The following OTUD7B variants were observed in gnomAD, a reference collection of about 807,000 sequenced individuals.
OTUD7B encodes the protein OTU deubiquitinase 7B, also known as OTU domain-containing protein 7B.
Under a neutral mutation model 82.2 loss-of-function variants are expected in OTUD7B, and 34 were observed. That is an observed-to-expected ratio of 0.41 (90% CI 0.31 to 0.55). The LOEUF is 0.55. OTUD7B is among the 20% of genes least tolerant of loss of function. The pLI, the probability that OTUD7B is intolerant of heterozygous loss-of-function variation, is 0.20. For synonymous variants in OTUD7B, 398 were observed against 402.7 expected (o/e 0.99, Z 0.14); for missense variants, 944 against 1,062.1 (o/e 0.89, Z 1.55).
At chr1:149,969,250 G>A (rs1649739665) in intron 3 of OTUD7B, among the ~76,000 whole-genome samples, 1 of 152,156 alleles carries the variant, frequency 6.6e-6, no homozygotes, top group Admixed American at 6.5e-5. Context: ...TTGAGCCTAG[G>A]AGGTTTAGGC....
chr1:149,963,289 A>C (rs1553775898), intron 6 of OTUD7B: 1 of 152,204 alleles, frequency 6.6e-6, no homozygotes, highest in African/African-American at 2.4e-5. Context: ...AGATATACAT[A>C]AAGAGCAGGA....
chr1:150,059,071 T>G, the OTUD7B span, among the ~76,000 whole-genome samples: 1 of 146,566 alleles, frequency 6.8e-6, no homozygotes, highest in Admixed American at 6.7e-5. Context: ...TTTTTTTTTT[T>G]GTGACGGAGT....
At chr1:150,052,738 C>T in the OTUD7B span, among the ~76,000 whole-genome samples, 1 of 151,572 alleles carries the variant, frequency 6.6e-6, no homozygotes, top group Non-Finnish European at 1.5e-5. Flanking sequence ...GGAGGCATCA[C>T]ATTACCTGAC....
At chr1:150,059,800 A>G in the OTUD7B span, among the ~76,000 whole-genome samples, 2 of 152,242 alleles carry the variant, frequency 1.3e-5, no homozygotes, top group Non-Finnish European at 2.9e-5. Flanking sequence ...AGGGAAAAAA[A>G]GAAAGAAAAA....
intron 7 of OTUD7B, among the ~76,000 whole-genome samples, chr1:149,958,322 C>CTTT (rs34299927): frequency 0.76 from 65,349 of 86,300 alleles, 27,412 homozygotes; most frequent in African/African-American, 0.83. Flanking sequence ...AAAGGACTAC[C>CTTT]TTTTTTTTTT....
chr1:149,954,734 T>C (rs1401868063), intron 7 of OTUD7B, among the ~76,000 whole-genome samples: 2 of 152,224 alleles, frequency 1.3e-5, no homozygotes, highest in Non-Finnish European at 2.9e-5. Flanking sequence ...GCTATTGGTC[T>C]ATTCAGGGGT....
chr1:150,013,825 A>G (rs1417187760), upstream of OTUD7B, among the ~76,000 whole-genome samples: 2 of 148,628 alleles, frequency 1.3e-5, no homozygotes, highest in Non-Finnish European at 3.0e-5. Flanking sequence ...GGGAGGCTGA[A>G]GCAGGAGAAT....
chr1:150,054,855 G>T, the OTUD7B span: 1 of 172,900 alleles, frequency 5.8e-6, no homozygotes, highest in South Asian at 1.0e-4. Flanking sequence ...CAGACACCAG[G>T]AACGTGACAT....
chr1:150,032,463 C>CAAA, the OTUD7B span, among the ~76,000 whole-genome samples: 1 of 1,800 alleles, frequency 5.6e-4, no homozygotes. Flanking sequence ...AACCTGTCTA[C>CAAA]AGAAAAAAAA....
intron 1 of OTUD7B, among the ~76,000 whole-genome samples, chr1:150,003,043 G>A (rs1399848005): frequency 6.6e-6 from 1 of 152,114 alleles, no homozygotes. Flanking sequence ...GAGGTCAGGA[G>A]ATCAAGACCA....
the OTUD7B span, among the ~76,000 whole-genome samples, chr1:150,065,849 G>GTTTTTTTTTTTTTTTTTTTTTTTTTT: frequency 6.6e-6 from 1 of 151,532 alleles, no homozygotes; most frequent in African/African-American, 2.5e-5. Flanking sequence ...TGTTCAAAAT[G>GTTTTTTTTTTTTTTTTTTTTTTTTTT]TTTATGTTCC....
At chr1:150,020,757 T>C in the OTUD7B span, among the ~76,000 whole-genome samples, 1 of 152,248 alleles carries the variant, frequency 6.6e-6, no homozygotes, top group African/African-American at 2.4e-5. Flanking sequence ...TTAAAGCTAC[T>C]GATTTATCTT....
At chr1:149,959,577 C>G in intron 7 of OTUD7B, 107 bp downstream of exon 7, 1 of 724,866 alleles carries the variant, frequency 1.4e-6, no homozygotes. Context: ...TAGTTCCCCT[C>G]TTTCCTTCTA....
At chr1:150,057,663 G>A in the OTUD7B span, among the ~76,000 whole-genome samples, 1 of 152,192 alleles carries the variant, frequency 6.6e-6, no homozygotes, top group African/African-American at 2.4e-5. Context: ...TTTTCTCTTA[G>A]AGGTGTTCAT....
At chr1:149,975,323 T>C (rs782128514) in intron 2 of OTUD7B, among the ~76,000 whole-genome samples, 1 of 152,270 alleles carries the variant, frequency 6.6e-6, no homozygotes. Flanking sequence ...TGTGCACACA[T>C]GTGAGCATGC....
At chr1:150,056,862 T>C in the OTUD7B span, among the ~76,000 whole-genome samples, 2 of 152,268 alleles carry the variant, frequency 1.3e-5, no homozygotes, top group African/African-American at 4.8e-5. Context: ...TAAACACCAA[T>C]TGTTGCAGGC....
At chr1:150,053,456 GCA>G in the OTUD7B span, among the ~76,000 whole-genome samples, 1 of 151,532 alleles carries the variant, frequency 6.6e-6, no homozygotes, top group Non-Finnish European at 1.5e-5. Flanking sequence ...TAGTGCAGTG[GCA>G]CACTCTCGGC....
the OTUD7B span, among the ~76,000 whole-genome samples, chr1:150,044,375 T>C: frequency 6.6e-6 from 1 of 151,756 alleles, no homozygotes; most frequent in Non-Finnish European, 1.5e-5. Flanking sequence ...GCCTGGCTAA[T>C]TTTTGTATTT....
intron 11 of OTUD7B, among the ~76,000 whole-genome samples, chr1:149,945,305 A>C (rs1647635918): frequency 6.6e-6 from 1 of 152,120 alleles, no homozygotes; most frequent in African/African-American, 2.4e-5. Flanking sequence ...CCAGGATGGC[A>C]CTGTCCTTCC....
Sources: gnomAD v4.1 joint callset for allele counts (sites outside exome capture counted in the v4.1 genomes callset) on GRCh38, gnomAD v4.1.1 for gene constraint, MANE v1.5 for transcripts, NCBI Gene and HGNC (gene_info 2026-07-23, HGNC 2026-07-21) for gene names.